The following MAF variants were observed in gnomAD, a reference collection of about 807,000 sequenced individuals.
MAF encodes the protein transcription factor Maf.
A neutral mutation model predicts 22.0 loss-of-function variants in MAF; 10 were observed. That is an observed-to-expected ratio of 0.45 (90% CI 0.28 to 0.77). MAF has a LOEUF of 0.77. Ranked by LOEUF, MAF falls within the 30% of genes least tolerant of loss-of-function variation. The probability of loss-of-function intolerance (pLI) is 0.12; values close to 1 mark genes in which losing one functional copy is unlikely to be tolerated. For synonymous variants in MAF, 337 were observed against 255.8 expected (o/e 1.32, Z -3.03); for missense variants, 544 against 548.4 (o/e 0.99, Z 0.08).
the MAF span, among the ~76,000 whole-genome samples, chr16:79,560,463 A>G: frequency 6.6e-6 from 1 of 152,034 alleles, no homozygotes; most frequent in Non-Finnish European, 1.5e-5. Flanking sequence ...CTACAACTGT[A>G]TGCAATTGTG....
chr16:79,487,840 G>A, the MAF span, among the ~76,000 whole-genome samples: 261 of 152,234 alleles, frequency 1.7e-3, 2 homozygotes, highest in East Asian at 0.044. Flanking sequence ...CCTTGCTCTT[G>A]ATGGTAAACA....
At chr16:79,300,844 G>T in the MAF span, among the ~76,000 whole-genome samples, 1 of 151,972 alleles carries the variant, frequency 6.6e-6, no homozygotes, top group Non-Finnish European at 1.5e-5. Flanking sequence ...GAAGTCCATT[G>T]TATTAATGTC....
At chr16:79,213,618 G>A in the MAF span, among the ~76,000 whole-genome samples, 2 of 152,166 alleles carry the variant, frequency 1.3e-5, no homozygotes, top group Non-Finnish European at 2.9e-5. Flanking sequence ...TTCCATCATA[G>A]GGAACGGCTC....
At chr16:79,263,946 G>T in the MAF span, among the ~76,000 whole-genome samples, 3 of 152,256 alleles carry the variant, frequency 2.0e-5, no homozygotes, top group Admixed American at 6.5e-5. Flanking sequence ...CTGGTGGCTA[G>T]ATGTTTGTTT....
chr16:79,429,734 C>T, the MAF span, among the ~76,000 whole-genome samples: 5 of 152,106 alleles, frequency 3.3e-5, no homozygotes, highest in Admixed American at 3.3e-4. Context: ...AAAAACATGA[C>T]CCCTTTGGAT....
chr16:79,442,094 C>T, the MAF span, among the ~76,000 whole-genome samples: 1 of 152,184 alleles, frequency 6.6e-6, no homozygotes, highest in Non-Finnish European at 1.5e-5. Flanking sequence ...GGGAAAGTGG[C>T]CCTGCCCACA....
chr16:79,510,606 G>C, the MAF span, among the ~76,000 whole-genome samples: 4 of 152,086 alleles, frequency 2.6e-5, no homozygotes, highest in Non-Finnish European at 5.9e-5. Flanking sequence ...AGCCACCCTG[G>C]GATCTATTTA....
the MAF span, among the ~76,000 whole-genome samples, chr16:79,457,976 A>C: frequency 6.6e-6 from 1 of 152,280 alleles, no homozygotes; most frequent in East Asian, 1.9e-4. Context: ...AGAAACTCAC[A>C]ACCTTTCTTA....
At chr16:79,237,627 G>A in the MAF span, among the ~76,000 whole-genome samples, 1 of 151,970 alleles carries the variant, frequency 6.6e-6, no homozygotes, top group Non-Finnish European at 1.5e-5. Flanking sequence ...ACACTCAGGG[G>A]AAAGCGTGCT....
the MAF span, among the ~76,000 whole-genome samples, chr16:79,389,848 C>T: frequency 1.3e-5 from 2 of 151,250 alleles, no homozygotes; most frequent in East Asian, 2.0e-4. Context: ...TGGTGGTGGG[C>T]GCCTGTAGTC....
the MAF span, among the ~76,000 whole-genome samples, chr16:79,225,190 G>C: frequency 1.7e-4 from 26 of 152,130 alleles, no homozygotes; most frequent in East Asian, 5.0e-3. Context: ...CAGAACAAAG[G>C]CCTCAGAAAT....
the MAF span, among the ~76,000 whole-genome samples, chr16:79,306,382 C>G: frequency 6.6e-6 from 1 of 152,184 alleles, no homozygotes; most frequent in Non-Finnish European, 1.5e-5. Context: ...TCGTTCCACA[C>G]ACATGTATGG....
At chr16:79,255,771 G>A in the MAF span, among the ~76,000 whole-genome samples, 2 of 152,086 alleles carry the variant, frequency 1.3e-5, no homozygotes, top group Non-Finnish European at 2.9e-5. Context: ...GGGAGATGGT[G>A]GCAATTCCCT....
At chr16:79,222,813 A>T in the MAF span, among the ~76,000 whole-genome samples, 1 of 152,224 alleles carries the variant, frequency 6.6e-6, no homozygotes, top group Non-Finnish European at 1.5e-5. Flanking sequence ...ATGCAACAAG[A>T]ACTAACTATC....
chr16:79,484,453 C>T, the MAF span, among the ~76,000 whole-genome samples: 3 of 152,218 alleles, frequency 2.0e-5, no homozygotes, highest in Admixed American at 6.5e-5. Context: ...TGGCCACAGA[C>T]ACGTCCACCG....
the MAF span, among the ~76,000 whole-genome samples, chr16:79,484,165 G>C: frequency 0.016 from 2,367 of 152,266 alleles, 76 homozygotes; most frequent in African/African-American, 0.055. Flanking sequence ...ACAGAGTTAA[G>C]GGACCTGCCG....
At chr16:79,215,143 G>T in the MAF span, among the ~76,000 whole-genome samples, 1 of 152,204 alleles carries the variant, frequency 6.6e-6, no homozygotes, top group Non-Finnish European at 1.5e-5. Flanking sequence ...TAGAGCTGCA[G>T]TTCACACCCA....
chr16:79,311,497 TAAA>T, the MAF span, among the ~76,000 whole-genome samples: 187 of 136,712 alleles, frequency 1.4e-3, no homozygotes, highest in African/African-American at 4.2e-3. Flanking sequence ...TTGTTTTCTT[TAAA>T]AAAAAAAAAA....
the MAF span, among the ~76,000 whole-genome samples, chr16:79,328,184 G>C: frequency 6.6e-6 from 1 of 152,110 alleles, no homozygotes; most frequent in East Asian, 1.9e-4. Flanking sequence ...GCCGCCCTGG[G>C]AGTCTCTTAT....
Sources: allele counts gnomAD v4.1 joint callset (sites outside exome capture counted in the v4.1 genomes callset), GRCh38; gene constraint gnomAD v4.1.1; transcripts MANE v1.5; gene names NCBI Gene and HGNC (gene_info 2026-07-23, HGNC 2026-07-21).